Variants in TMED3 observed in about 807,000 individuals in gnomAD.
The protein encoded by TMED3 is transmembrane p24 trafficking protein 3, also known as transmembrane emp24 domain-containing protein 3.
TMED3 carries 9 observed loss-of-function variants against 15.0 expected under a neutral mutation model. That is an observed-to-expected ratio of 0.60 (90% CI 0.36 to 1.04). TMED3 has a LOEUF of 1.04. TMED3 is among the 50% of genes least tolerant of loss of function. The probability of loss-of-function intolerance (pLI) is 0.01; values close to 1 mark genes in which losing one functional copy is unlikely to be tolerated. For missense variants in TMED3, 267 were observed against 278.9 expected (o/e 0.96, Z 0.30); for synonymous variants, 117 against 121.4 (o/e 0.96, Z 0.24).
intron 2 of TMED3, among the ~76,000 whole-genome samples, chr15:79,344,383 G>T (rs2058861695): frequency 6.6e-6 from 1 of 152,158 alleles, no homozygotes; most frequent in Non-Finnish European, 1.5e-5. Flanking sequence ...TAAAGTCAAG[G>T]TATTGGCAGG....
chr15:79,358,281 T>A (rs749531450), intron 2 of TMED3, among the ~76,000 whole-genome samples: 2 of 152,200 alleles, frequency 1.3e-5, no homozygotes, highest in Non-Finnish European at 1.5e-5. Flanking sequence ...AGCTGCAAGG[T>A]CAGGACTTGA....
intron 2 of TMED3, among the ~76,000 whole-genome samples, chr15:79,315,284 C>T (rs1311226280): frequency 6.6e-6 from 1 of 152,220 alleles, no homozygotes; most frequent in African/African-American, 2.4e-5. Context: ...TTCACTTCCT[C>T]ATCTGCACCA....
chr15:79,402,257 A>T (rs145598795), intron 2 of TMED3, among the ~76,000 whole-genome samples: 2 of 152,322 alleles, frequency 1.3e-5, no homozygotes, highest in East Asian at 3.9e-4. Flanking sequence ...ATTTATCTGC[A>T]GGCTCCTGTG....
intron 2 of TMED3, among the ~76,000 whole-genome samples, chr15:79,330,470 T>C (rs751023392): frequency 1.1e-4 from 16 of 152,034 alleles, no homozygotes; most frequent in Admixed American, 6.6e-4. Flanking sequence ...AGGTATAAAT[T>C]TAACCAAGGA....
intron 2 of TMED3, among the ~76,000 whole-genome samples, chr15:79,357,276 G>A (rs192189470): frequency 2.0e-4 from 31 of 151,662 alleles, no homozygotes; most frequent in Admixed American, 2.0e-3. Context: ...CTTGATCCCA[G>A]GAATTCAAGA....
At chr15:79,406,944 C>T (rs1283921885) in intron 2 of TMED3, among the ~76,000 whole-genome samples, 1 of 152,192 alleles carries the variant, frequency 6.6e-6, no homozygotes, top group Non-Finnish European at 1.5e-5. Flanking sequence ...TAGTGTCAGT[C>T]CAGGCCAATG....
intron 2 of TMED3, among the ~76,000 whole-genome samples, chr15:79,382,215 G>A (rs1375879776): frequency 2.0e-5 from 3 of 152,144 alleles, no homozygotes; most frequent in Admixed American, 6.5e-5. Context: ...AGGCCACAAT[G>A]CAAGCCATGC....
At chr15:79,317,943 A>G (rs980647391) in intron 2 of TMED3, among the ~76,000 whole-genome samples, 4 of 152,158 alleles carry the variant, frequency 2.6e-5, no homozygotes, top group East Asian at 1.9e-4. Context: ...GATCTTGCCA[A>G]TCTTCTGCTC....
chr15:79,397,218 C>T (rs1414098817), intron 2 of TMED3, among the ~76,000 whole-genome samples: 1 of 152,224 alleles, frequency 6.6e-6, no homozygotes, highest in African/African-American at 2.4e-5. Flanking sequence ...TCTAAATCTG[C>T]TCTCTCCCTA....
At chr15:79,324,422 C>T (rs12438871), downstream of TMED3, among the ~76,000 whole-genome samples, 33,166 of 151,862 alleles carry the variant, frequency 0.22, 3,639 homozygotes, top group Admixed American at 0.28. Flanking sequence ...TAATACAGTT[C>T]CATAAGAAAG....
At chr15:79,371,542 C>T (rs1182445452) in intron 2 of TMED3, among the ~76,000 whole-genome samples, 1 of 152,162 alleles carries the variant, frequency 6.6e-6, no homozygotes, top group African/African-American at 2.4e-5. Flanking sequence ...TCTGACTCTC[C>T]AAGAATTCAG....
intron 2 of TMED3, among the ~76,000 whole-genome samples, chr15:79,362,817 A>G (rs1363167001): frequency 6.6e-6 from 1 of 152,234 alleles, no homozygotes; most frequent in Non-Finnish European, 1.5e-5. Context: ...CTCCCCAGCC[A>G]TGTGGAACTG....
chr15:79,377,155 T>A (rs1000131508), intron 2 of TMED3, among the ~76,000 whole-genome samples: 4 of 152,184 alleles, frequency 2.6e-5, no homozygotes, highest in Non-Finnish European at 5.9e-5. Flanking sequence ...GGTTGAGCCA[T>A]TTTCTTGCTC....
At chr15:79,396,270 A>G (rs971303690) in intron 2 of TMED3, among the ~76,000 whole-genome samples, 3 of 152,226 alleles carry the variant, frequency 2.0e-5, no homozygotes, top group Non-Finnish European at 4.4e-5. Flanking sequence ...GTATAAAGCA[A>G]TGACCATTTA....
chr15:79,404,952 A>T (rs991106759), intron 2 of TMED3, among the ~76,000 whole-genome samples: 1 of 152,224 alleles, frequency 6.6e-6, no homozygotes, highest in African/African-American at 2.4e-5. Flanking sequence ...GTATTCTGCC[A>T]TAGGCCACGG....
intron 2 of TMED3, among the ~76,000 whole-genome samples, chr15:79,406,307 GA>G (rs1277618952): frequency 6.6e-6 from 1 of 152,200 alleles, no homozygotes; most frequent in Non-Finnish European, 1.5e-5. Flanking sequence ...ACCCGGAAAT[GA>G]ATGAGACGTC....
At position 79,394,851 on chromosome 15, in the gene TMED3, A is replaced by G. The variant is rs116919838; in HGVS notation, c.418-16549A>G. Among the ~76,000 whole-genome samples, 976 of 152,352 alleles carry G rather than the reference A, an allele frequency of 6.4e-3. 31 individuals carry two copies. The highest frequency in any genetic ancestry group is 0.049 in the East Asian group (255 of 5,190). On this transcript the variant is annotated intron_variant, in intron 2 of 2. Transcript: ENST00000424155. ...GAGAAATTGAGACCCCCTGTGTAAT[A>G]GTACCTAACACTAGTACCCTCTCTT...
chr15:79,355,501 G>T (rs1204334508), intron 2 of TMED3, among the ~76,000 whole-genome samples: 2 of 152,188 alleles, frequency 1.3e-5, no homozygotes, highest in Non-Finnish European at 2.9e-5. Flanking sequence ...CAGAAAACCA[G>T]CTTGCTATCA....
At position 79,322,258 on chromosome 15, in the gene TMED3, C is replaced by T; in HGVS notation, c.*44C>T. Reference sequence around the variant, plus strand: ...GGGCCCCTCATGCCCCAGGCTGGAGCAGCTCTCCTAGGTCACAGCCTGCTG... The same window carrying T: ...GGGCCCCTCATGCCCCAGGCTGGAGTAGCTCTCCTAGGTCACAGCCTGCTG... On this transcript the variant is annotated 3_prime_UTR_variant, in exon 3 of 3. Coordinates refer to ENST00000299705, the MANE Select transcript of TMED3 (RefSeq NM_007364.4). The T allele has an allele frequency of 6.3e-7, 1 of 1,584,410 alleles. No individual in the cohort carries two copies.
Sources: gnomAD v4.1 joint callset for allele counts (sites outside exome capture counted in the v4.1 genomes callset) on GRCh38, gnomAD v4.1.1 for gene constraint, MANE v1.5 for transcripts, NCBI Gene and HGNC (gene_info 2026-07-23, HGNC 2026-07-21) for gene names.